The following INPP5A variants were observed in gnomAD, a reference collection of about 807,000 sequenced individuals.
INPP5A encodes the protein inositol polyphosphate-5-phosphatase A.
In INPP5A, 14 loss-of-function variants were observed where a neutral mutation model predicts 65.2. That is an observed-to-expected ratio of 0.21 (90% CI 0.14 to 0.34). INPP5A has a LOEUF of 0.34. Among genes scored for constraint, INPP5A ranks in the 10% least tolerant of loss-of-function variants. The pLI, the probability that INPP5A is intolerant of heterozygous loss-of-function variation, is 1.00. For missense variants in INPP5A, 431 were observed against 545.6 expected, an observed-to-expected ratio of 0.79 and a Z score of 2.09; for synonymous variants, 207 against 208.3, an observed-to-expected ratio of 0.99 and a Z score of 0.05.
At chr10:132,567,107 G>A (rs1384178680) in intron 1 of INPP5A, among the ~76,000 whole-genome samples, 2 of 152,122 alleles carry the variant, frequency 1.3e-5, no homozygotes, top group African/African-American at 2.4e-5. Context: ...GGAGGCTCCC[G>A]GGTGGGCAAG....
At chr10:132,621,261 A>G (rs1590873579) in intron 2 of INPP5A, among the ~76,000 whole-genome samples, 1 of 152,332 alleles carries the variant, frequency 6.6e-6, no homozygotes, top group East Asian at 1.9e-4. Context: ...GTATGGTACT[A>G]AAAGACTTAG....
intron 1 of INPP5A, among the ~76,000 whole-genome samples, chr10:132,599,996 G>T (rs80226362): frequency 0.15 from 23,468 of 152,182 alleles, 2,146 homozygotes; most frequent in East Asian, 0.31. Context: ...TTTTCTTCCT[G>T]GGCCTCTGGG....
At chr10:132,780,155 A>G (rs1197802839) in intron 13 of INPP5A, among the ~76,000 whole-genome samples, 1 of 152,232 alleles carries the variant, frequency 6.6e-6, no homozygotes, top group Admixed American at 6.5e-5. Context: ...CATTAAAGAT[A>G]ACTCAGTTTT....
In INPP5A at chr10:132,731,445, G is replaced by A. The variant is rs770853875; in HGVS notation, c.732+4540G>A. On this transcript the variant is annotated intron_variant, in intron 9 of 15. Coordinates refer to ENST00000368594, the MANE Select transcript of INPP5A (RefSeq NM_005539.5). The stretch of plus-strand genomic sequence containing the variant: ...GTATCAGACGCCCCTGGGAGTGACC[G>A]CGTCCCTGCCCCATATCAGGCGGCC... 5.3e-5 allele frequency among the ~76,000 whole-genome samples: 8 copies of A among 151,924 alleles called. No homozygotes were observed. In the East Asian group the frequency reaches 5.8e-4, roughly 11 times the overall value.
chr10:132,719,503 C>T (rs1266066346), intron 8 of INPP5A, among the ~76,000 whole-genome samples: 3 of 147,514 alleles, frequency 2.0e-5, no homozygotes, highest in Admixed American at 2.0e-4. Context: ...TACCTGGGTT[C>T]TGTCTGGGCG....
chr10:132,777,895 G>C (rs759316301), intron 13 of INPP5A, 113 bp downstream of exon 13: 5 of 1,529,490 alleles, frequency 3.3e-6, no homozygotes, highest in Non-Finnish European at 4.4e-6. Flanking sequence ...TCTGGGGAAT[G>C]CTGCCAGGTT....
At chr10:132,623,921 C>T (rs1311426289) in intron 2 of INPP5A, among the ~76,000 whole-genome samples, 4 of 152,138 alleles carry the variant, frequency 2.6e-5, no homozygotes, top group Non-Finnish European at 4.4e-5. Context: ...AGTAGTCTTT[C>T]GGGAAATGCA....
rs775893959 is a variant in INPP5A at position 132,782,180 on chromosome 10, G to A, written c.*151G>A. 1.8e-5 allele frequency: 22 copies of A among 1,250,636 alleles called. No homozygotes were observed. The highest frequency in any genetic ancestry group is 5.2e-5 in the South Asian group (4 of 77,580). The allele number at this position is 1,250,636 out of a possible 1,614,324, so 77.5% of individuals were successfully genotyped here. On this transcript the variant is annotated 3_prime_UTR_variant, in exon 16 of 16. Transcript: ENST00000368594. The surrounding 1 kb of genome is among the most constrained non-coding windows in gnomAD (Gnocchi z 4.4). Reference sequence around the variant, plus strand: ...AGCCCCACACTTCGCTTCAGCCTCCGGACCATTCCGGAGCAGCCTCACATA... The same window carrying A: ...AGCCCCACACTTCGCTTCAGCCTCCAGACCATTCCGGAGCAGCCTCACATA...
At chr10:132,703,937 C>A (rs1271389469) in intron 6 of INPP5A, among the ~76,000 whole-genome samples, 6 of 127,574 alleles carry the variant, frequency 4.7e-5, no homozygotes, top group African/African-American at 1.5e-4. Flanking sequence ...AGCTTCACCC[C>A]CACACACACG....
At chr10:132,709,661 T>A (rs1323044806) in intron 7 of INPP5A, among the ~76,000 whole-genome samples, 1 of 152,140 alleles carries the variant, frequency 6.6e-6, no homozygotes, top group Non-Finnish European at 1.5e-5. Context: ...CGCCTCCTGG[T>A]AGGGAGACGG....
chr10:132,780,715 G>T, intron 13 of INPP5A, 134 bp from the exon 14 acceptor site: 1 of 765,056 alleles, frequency 1.3e-6, no homozygotes. Context: ...GGCAGAGGCT[G>T]GGGAGGTACT....
intron 1 of INPP5A, among the ~76,000 whole-genome samples, chr10:132,566,532 A>T (rs192967611): frequency 5.1e-4 from 78 of 152,340 alleles, no homozygotes; most frequent in South Asian, 1.0e-3. Flanking sequence ...CATACTAGAA[A>T]CGTAAGGATA....
chr10:132,755,979 G>GC (rs1846601755), intron 11 of INPP5A, among the ~76,000 whole-genome samples: 1 of 152,198 alleles, frequency 6.6e-6, no homozygotes, highest in Non-Finnish European at 1.5e-5. Context: ...GCACACCTGT[G>GC]CACACACCAA....
rs940655021 is a variant in INPP5A, at chr10:132,663,059, C to G, written c.306+12554C>G. On this transcript the variant is annotated intron_variant, in intron 4 of 15. Coordinates refer to ENST00000368594, the MANE Select transcript of INPP5A (RefSeq NM_005539.5). The surrounding 1 kb of genome is among the most constrained non-coding windows in gnomAD (Gnocchi z 4.5). ...GATTTAATGGAAAAGGGAAGTACTT[C>G]CATCAGCAGCTGGCCCCTCGAACGG... 3.3e-5 allele frequency among the ~76,000 whole-genome samples: 5 copies of G among 152,334 alleles called. No homozygotes were observed. Among genetic ancestry groups the G allele is most frequent in the Admixed American group, 2.0e-4 (3 of 15,296 alleles).
intron 8 of INPP5A, among the ~76,000 whole-genome samples, chr10:132,719,319 G>C (rs1404856536): frequency 1.4e-5 from 2 of 142,582 alleles, no homozygotes; most frequent in African/African-American, 2.6e-5. Flanking sequence ...GCCTTAGGCG[G>C]CTGTCTTCAG....
chr10:132,745,650 C>T (rs1291492308), intron 9 of INPP5A, among the ~76,000 whole-genome samples: 1 of 142,818 alleles, frequency 7.0e-6, no homozygotes, highest in Non-Finnish European at 1.6e-5. Flanking sequence ...GTGGTGGCCT[C>T]GGGTGTGGTG....
At chr10:132,564,525 A>G (rs1388763257) in intron 1 of INPP5A, among the ~76,000 whole-genome samples, 1 of 152,062 alleles carries the variant, frequency 6.6e-6, no homozygotes, top group Non-Finnish European at 1.5e-5. Flanking sequence ...GGCTCAGCTC[A>G]CTGTGAGTCG....
At chr10:132,693,515 G>A (rs1358304253) in intron 5 of INPP5A, among the ~76,000 whole-genome samples, 2 of 152,100 alleles carry the variant, frequency 1.3e-5, no homozygotes, top group African/African-American at 4.8e-5. Context: ...ACTTAAATGG[G>A]CCAAAAGAAA....
intron 5 of INPP5A, among the ~76,000 whole-genome samples, chr10:132,692,781 C>T (rs558822607): frequency 2.5e-3 from 378 of 152,254 alleles, no homozygotes; most frequent in African/African-American, 8.5e-3. Flanking sequence ...ACCTGCCTTG[C>T]AAGAAATGCT....
Sources: gnomAD v4.1 joint callset for allele counts (sites outside exome capture counted in the v4.1 genomes callset) on GRCh38, gnomAD v4.1.1 for gene constraint, Gnocchi (gnomAD v3.1) non-coding constraint, MANE v1.5 for transcripts, NCBI Gene and HGNC (gene_info 2026-07-23, HGNC 2026-07-21) for gene names.